TRIP11: variants seen among roughly 807,000 people sequenced by gnomAD.
TRIP11 encodes the protein thyroid receptor-interacting protein 11.
In TRIP11, 148 loss-of-function variants were observed where a neutral mutation model predicts 223.1. The observed-to-expected ratio is 0.66, with a 90% CI of 0.58 to 0.76. The LOEUF is 0.76. Among genes scored for constraint, TRIP11 ranks in the 30% least tolerant of loss-of-function variants. TRIP11 has a pLI of 0.00. For synonymous variants in TRIP11, 762 were observed against 772.6 expected (o/e 0.99, Z 0.23); for missense variants, 2,043 against 2,222.0 (o/e 0.92, Z 1.62).
intron 11 of TRIP11, among the ~76,000 whole-genome samples, chr14:92,000,593 A>T (rs1444729935): frequency 6.6e-6 from 1 of 152,224 alleles, no homozygotes; most frequent in Non-Finnish European, 1.5e-5. Flanking sequence ...TAAAAGAATA[A>T]GTTTATTAGA....
intron 20 of TRIP11, among the ~76,000 whole-genome samples, chr14:91,970,132 C>G (rs1290941663): frequency 6.6e-6 from 1 of 152,134 alleles, no homozygotes; most frequent in African/African-American, 2.4e-5. Context: ...CGCAGCCAGG[C>G]GCGGTGGCTC....
rs2056365131 is a variant in TRIP11 at position 91,968,728 on chromosome 14, G to A, written c.*945C>T. ...TCCAAAGCCTTGGATGGATCTCAAG[G>A]GAATTATGCTGAGTGAAAAAAAGCC... On this transcript the variant is annotated 3_prime_UTR_variant, in exon 21 of 21. Coordinates refer to ENST00000267622, the MANE Select transcript of TRIP11 (RefSeq NM_004239.4). 4.4e-6 allele frequency: 1 copy of A among 227,964 alleles called. No individual in the cohort carries two copies. The highest frequency in any genetic ancestry group is 1.8e-4 in the South Asian group (1 of 5,462). 14.1% of individuals were successfully genotyped at this position (227,964 alleles called of 1,614,324 possible).
chr14:92,022,439 T>C (rs765630931), intron 3 of TRIP11, among the ~76,000 whole-genome samples: 2 of 152,168 alleles, frequency 1.3e-5, no homozygotes, highest in African/African-American at 2.4e-5. Flanking sequence ...AATAATATAC[T>C]GAAAGTGGTC....
At position 92,007,435 on chromosome 14, in the gene TRIP11, A is replaced by G. The variant is rs2056919320; in HGVS notation, c.1527+205T>C. Among the ~76,000 whole-genome samples the G allele has an allele frequency of 2.0e-5, 3 of 152,344 alleles. No homozygotes were observed. In the South Asian group the frequency reaches 6.2e-4, roughly 32 times the overall value. ...TAAAATTTTGTTGAAACATGGTCAC[A>G]CTCATTTGTTGGTATCACAACAACA... On this transcript the variant is annotated intron_variant, in intron 10 of 20. Transcript: ENST00000267622.
chr14:92,005,786 C>G lies in TRIP11; in HGVS notation c.2190G>C (p.Lys730Asn). 1 of 1,614,072 alleles carries G rather than the reference C, an allele frequency of 6.2e-7. No individual in the cohort carries two copies. Among genetic ancestry groups the G allele is most frequent in the Non-Finnish European group, 8.5e-7 (1 of 1,180,008 alleles). Residue 730 changes from lysine (K) to asparagine (N), a missense_variant, in exon 11 of 21, where the codon AAG becomes AAC. Transcript: ENST00000267622. Reference sequence around the variant, plus strand: ...ACTTGTTTGCTTCTTCCAACAGCCTCTTTTTAGCCCAACACAATTCTGCCT... The same window carrying G: ...ACTTGTTTGCTTCTTCCAACAGCCTGTTTTTAGCCCAACACAATTCTGCCT... ...EIEAELCWAK[K>N]RLLEEANKYE...
intron 3 of TRIP11, among the ~76,000 whole-genome samples, chr14:92,023,152 G>A (rs980998683): frequency 6.6e-6 from 1 of 152,066 alleles, no homozygotes; most frequent in Admixed American, 6.6e-5. Context: ...CTCTAATATC[G>A]ATAGTTAAGT....
chr14:91,973,230 T>G lies in TRIP11; in HGVS notation c.5575-369A>C, dbSNP rs2056422055. Among the ~76,000 whole-genome samples the G allele has an allele frequency of 1.3e-5, 2 of 152,132 alleles. 1 individual carries two copies. The highest frequency in any genetic ancestry group is 4.1e-4 in the South Asian group (2 of 4,832). On this transcript the variant is annotated intron_variant, in intron 19 of 20. Transcript: ENST00000267622. The stretch of plus-strand genomic sequence containing the variant: ...TAGCAGAGACGGGGTTTCACCATGT[T>G]GGTTAGGCTGGTCTCAAACTCCTGA...
At chr14:92,018,784 C>T (rs1010531327) in intron 4 of TRIP11, among the ~76,000 whole-genome samples, 1 of 151,474 alleles carries the variant, frequency 6.6e-6, no homozygotes. Context: ...GGTGAAACCC[C>T]GTCACTATTA....
intron 3 of TRIP11, among the ~76,000 whole-genome samples, chr14:92,024,149 G>A (rs2057148609): frequency 1.3e-5 from 2 of 152,034 alleles, no homozygotes; most frequent in South Asian, 2.1e-4. Context: ...AGGCCAAGGC[G>A]GGCAGATCAC....
At chr14:91,999,875 G>C in intron 12 of TRIP11, 93 bp downstream of exon 12, 1 of 1,535,780 alleles carries the variant, frequency 6.5e-7, no homozygotes, top group South Asian at 1.1e-5. Context: ...TCACCTAACA[G>C]AGAAATTCAT....
At position 92,015,702 on chromosome 14, in the gene TRIP11, G is replaced by T; in HGVS notation, c.817C>A (p.Gln273Lys). ...AAGAAATAAAACTAATAACCTTGTT[G>T]TAACAGATTTTCAAGTTCTTCAATT... is the stretch of plus-strand genomic sequence containing the variant. The part of the protein sequence containing the change: ...ERIEELENLL[Q>K]QGGSGVIETD... Residue 273 changes from glutamine to lysine, a missense_variant, in exon 6 of 21, where the codon CAA (glutamine) becomes AAA (lysine). By Grantham distance (53) the Gln-to-Lys change is moderately conservative. Transcript: ENST00000267622. 1 of 1,608,288 alleles carries T rather than the reference G, an allele frequency of 6.2e-7. No individual in the cohort carries two copies. The highest frequency in any genetic ancestry group is 8.5e-7 in the Non-Finnish European group (1 of 1,177,564).
At chr14:91,987,327 T>C (rs1429442175) in intron 16 of TRIP11, among the ~76,000 whole-genome samples, 2 of 152,100 alleles carry the variant, frequency 1.3e-5, no homozygotes, top group African/African-American at 4.8e-5. Flanking sequence ...AAATCTCCCC[T>C]GTCCTGTCTC....
chr14:92,034,200 G>T (rs1595414882), intron 1 of TRIP11, among the ~76,000 whole-genome samples: 1 of 152,124 alleles, frequency 6.6e-6, no homozygotes, highest in East Asian at 1.9e-4. Flanking sequence ...AAGGTGGGCG[G>T]ATCACGTGAG....
In TRIP11 at chr14:91,966,104, T is replaced by C. The variant is rs1429800490; in HGVS notation, c.*3569A>G. The stretch of plus-strand genomic sequence containing the variant: ...TGCTCCTGAGAAATTCAAAAATGCA[T>C]TAACTTTAGCTCTATAAATAACACA... On this transcript the variant is annotated 3_prime_UTR_variant, in exon 21 of 21. Coordinates refer to ENST00000267622, the MANE Select transcript of TRIP11 (RefSeq NM_004239.4). 3 of 173,804 alleles carry C rather than the reference T, an allele frequency of 1.7e-5. No individual in the cohort carries two copies. The highest frequency in any genetic ancestry group is 1.3e-4 in the Admixed American group (2 of 15,730). 10.8% of individuals were successfully genotyped at this position (173,804 alleles called of 1,614,324 possible). A position where few individuals can be genotyped will look rare whatever the true frequency, so the allele number is the denominator to read the frequency against.
chr14:91,992,665 T>C (rs1160984832), intron 15 of TRIP11, among the ~76,000 whole-genome samples: 1 of 152,040 alleles, frequency 6.6e-6, no homozygotes, highest in East Asian at 1.9e-4. Flanking sequence ...ATCCCAGCAC[T>C]TTGGGAGGCC....
At chr14:92,038,652 T>C (rs757639169) in intron 1 of TRIP11, among the ~76,000 whole-genome samples, 4 of 151,746 alleles carry the variant, frequency 2.6e-5, no homozygotes, top group Admixed American at 6.6e-5. Context: ...TAAGCCAGAA[T>C]ACTAATTTAT....
At chr14:92,021,360 G>T (rs1323211997) in intron 4 of TRIP11, among the ~76,000 whole-genome samples, 196 bp downstream of exon 4, 4 of 145,134 alleles carry the variant, frequency 2.8e-5, no homozygotes, top group Non-Finnish European at 4.5e-5. Flanking sequence ...CTACACTCTA[G>T]CATGGGAGAC....
At chr14:91,984,756 A>T (rs1199826560) in intron 16 of TRIP11, among the ~76,000 whole-genome samples, 2 of 152,196 alleles carry the variant, frequency 1.3e-5, no homozygotes, top group African/African-American at 4.8e-5. Flanking sequence ...TTTCTCATCA[A>T]TAGCAATTCC....
intron 3 of TRIP11, among the ~76,000 whole-genome samples, chr14:92,023,647 T>A (rs534902373): frequency 3.3e-5 from 5 of 152,172 alleles, no homozygotes; most frequent in Non-Finnish European, 5.9e-5. Flanking sequence ...ATGTATATGC[T>A]TTTAAAGTGT....
Sources: gnomAD v4.1 joint callset for allele counts (sites outside exome capture counted in the v4.1 genomes callset) on GRCh38, gnomAD v4.1.1 for gene constraint, MANE v1.5 for transcripts, NCBI Gene and HGNC (gene_info 2026-07-23, HGNC 2026-07-21) for gene names.